Variants in DIAPH3 observed in about 807,000 individuals in gnomAD.
DIAPH3 encodes the protein protein diaphanous homolog 3.
DIAPH3 carries 117 observed loss-of-function variants against 144.3 expected under a neutral mutation model. That is an observed-to-expected ratio of 0.81 (90% confidence interval 0.70 to 0.95). DIAPH3 has a LOEUF of 0.95. Ranked by LOEUF, DIAPH3 falls within the 40% of genes least tolerant of loss-of-function variation. The pLI is 0.00. For missense variants in DIAPH3, 1,421 were observed against 1,412.7 expected, an observed-to-expected ratio of 1.01 and a Z score of -0.09; for synonymous variants, 519 against 488.9, an observed-to-expected ratio of 1.06 and a Z score of -0.81.
intron 5 of DIAPH3, among the ~76,000 whole-genome samples, chr13:60,026,408 ATT>A (rs1289995687): frequency 3.3e-5 from 5 of 152,246 alleles, no homozygotes; most frequent in Non-Finnish European, 5.9e-5. Flanking sequence ...ACCAAAAAAA[ATT>A]TTTTTAGCAG....
At chr13:59,795,721 G>A (rs1031933054) in intron 25 of DIAPH3, among the ~76,000 whole-genome samples, 4 of 152,052 alleles carry the variant, frequency 2.6e-5, no homozygotes, top group African/African-American at 9.7e-5. Flanking sequence ...CCAAAGTGCT[G>A]GGATTACAGG....
At chr13:59,851,183 C>G (rs945865121) in intron 22 of DIAPH3, among the ~76,000 whole-genome samples, 7 of 152,160 alleles carry the variant, frequency 4.6e-5, no homozygotes, top group African/African-American at 7.2e-5. Context: ...CCACCATGAT[C>G]AAGTCAAATC....
chr13:59,765,009 T>C (rs1005863384), intron 27 of DIAPH3, among the ~76,000 whole-genome samples: 2 of 152,134 alleles, frequency 1.3e-5, no homozygotes, highest in African/African-American at 2.4e-5. Flanking sequence ...TAAAGATATC[T>C]TGATGTCACA....
chr13:59,928,572 C>T (rs1470678126), intron 17 of DIAPH3, among the ~76,000 whole-genome samples: 2 of 152,062 alleles, frequency 1.3e-5, no homozygotes, highest in African/African-American at 2.4e-5. Flanking sequence ...TTTACAGCAT[C>T]GATTAAGTAG....
At chr13:59,820,760 T>C (rs2041026335) in intron 24 of DIAPH3, among the ~76,000 whole-genome samples, 1 of 151,134 alleles carries the variant, frequency 6.6e-6, no homozygotes, top group Non-Finnish European at 1.5e-5. Context: ...TAGCATTAAA[T>C]ACTATTTAGT....
At chr13:59,747,025 C>T (rs1320140326) in intron 27 of DIAPH3, among the ~76,000 whole-genome samples, 1 of 152,064 alleles carries the variant, frequency 6.6e-6, no homozygotes, top group Non-Finnish European at 1.5e-5. Context: ...ATTTTTGACT[C>T]GTTTTCTTAG....
chr13:59,822,670 C>T (rs2041135653), intron 24 of DIAPH3, among the ~76,000 whole-genome samples: 1 of 152,036 alleles, frequency 6.6e-6, no homozygotes, highest in African/African-American at 2.4e-5. Context: ...TCTCAATCTC[C>T]TGACCTCGTG....
In DIAPH3 at chr13:60,043,665, T is replaced by G. The variant is rs1011888434; in HGVS notation, c.496-845A>C. On this transcript the variant is annotated intron_variant, in intron 4 of 27. Coordinates refer to ENST00000400324, the MANE Select transcript of DIAPH3 (RefSeq NM_001042517.2). ...TAGAAGAGTTAGAGTTCACTCATTA[T>G]TCAACAAACATTAAGTACCTACTAA... Among the ~76,000 whole-genome samples, 4 of 152,326 alleles carry G rather than the reference T, an allele frequency of 2.6e-5. No homozygotes were observed. The East Asian group carries it at 5.8e-4, about 22-fold the overall frequency.
chr13:59,828,799 C>G (rs1265357069), intron 24 of DIAPH3, among the ~76,000 whole-genome samples: 1 of 151,704 alleles, frequency 6.6e-6, no homozygotes, highest in Non-Finnish European at 1.5e-5. Flanking sequence ...AAACTTACTC[C>G]CTATTTCTTG....
intron 1 of DIAPH3, among the ~76,000 whole-genome samples, chr13:60,153,766 AAG>A (rs1951904510): frequency 6.6e-6 from 1 of 152,162 alleles, no homozygotes; most frequent in African/African-American, 2.4e-5. Flanking sequence ...GATAGGCATA[AAG>A]AGTTACACTT....
chr13:59,725,646 G>T (rs1383885263), intron 27 of DIAPH3, among the ~76,000 whole-genome samples: 2 of 152,118 alleles, frequency 1.3e-5, no homozygotes, highest in African/African-American at 4.8e-5. Context: ...CAGATTCTGT[G>T]CTTTTTAGTT....
At chr13:60,020,184 T>C (rs1435333050) in intron 5 of DIAPH3, among the ~76,000 whole-genome samples, 1 of 152,158 alleles carries the variant, frequency 6.6e-6, no homozygotes, top group African/African-American at 2.4e-5. Context: ...TATTGTTACA[T>C]ATAAGAGGTT....
intron 4 of DIAPH3, among the ~76,000 whole-genome samples, chr13:60,069,814 T>C (rs1455723078): frequency 6.6e-6 from 1 of 152,200 alleles, no homozygotes; most frequent in Non-Finnish European, 1.5e-5. Flanking sequence ...CTCATTTCTC[T>C]AACTTGTTCC....
intron 27 of DIAPH3, among the ~76,000 whole-genome samples, chr13:59,702,724 G>T (rs191930880): frequency 1.3e-5 from 2 of 152,264 alleles, no homozygotes; most frequent in East Asian, 3.9e-4. Context: ...TTTATCTCTA[G>T]ATAAACTTCC....
At chr13:59,876,753 T>C (rs1179530025) in intron 21 of DIAPH3, among the ~76,000 whole-genome samples, 1 of 152,182 alleles carries the variant, frequency 6.6e-6, no homozygotes, top group Non-Finnish European at 1.5e-5. Context: ...GTGTCAACTA[T>C]AATTCTGAGA....
At chr13:59,821,452 G>A (rs1566363026) in intron 24 of DIAPH3, among the ~76,000 whole-genome samples, 1 of 151,854 alleles carries the variant, frequency 6.6e-6, no homozygotes, top group African/African-American at 2.4e-5. Context: ...ATACATTTCT[G>A]TATTCTCATA....
intron 17 of DIAPH3, among the ~76,000 whole-genome samples, chr13:59,968,924 T>C (rs560458134): frequency 4.3e-4 from 65 of 152,196 alleles, no homozygotes; most frequent in Non-Finnish European, 7.9e-4. Context: ...CTCTGACCTG[T>C]ATCCATCCAG....
intron 1 of DIAPH3, among the ~76,000 whole-genome samples, chr13:60,142,527 G>A (rs909558742): frequency 6.6e-5 from 10 of 152,074 alleles, no homozygotes; most frequent in African/African-American, 1.4e-4. Flanking sequence ...AGGACCCCTC[G>A]GAAGTTTGAG....
intron 4 of DIAPH3, among the ~76,000 whole-genome samples, chr13:60,088,043 A>G (rs1385327385): frequency 6.6e-6 from 1 of 152,198 alleles, no homozygotes; most frequent in Admixed American, 6.5e-5. Flanking sequence ...ATTTTATCTA[A>G]ACCTAATGGT....
Sources: gnomAD v4.1 joint callset for allele counts (sites outside exome capture counted in the v4.1 genomes callset) on GRCh38, gnomAD v4.1.1 for gene constraint, MANE v1.5 for transcripts, NCBI Gene and HGNC (gene_info 2026-07-23, HGNC 2026-07-21) for gene names.